The following PTPRD variants were observed in gnomAD, a reference collection of about 807,000 sequenced individuals.
PTPRD encodes receptor-type tyrosine-protein phosphatase delta.
Under a neutral mutation model 214.5 loss-of-function variants are expected in PTPRD, and 34 were observed. The observed-to-expected ratio is 0.16, with a 90% CI of 0.12 to 0.21. The LOEUF (loss-of-function observed/expected upper bound fraction) is 0.21. Ranked by LOEUF, PTPRD falls within the 10% of genes least tolerant of loss-of-function variation. PTPRD has a pLI of 1.00. For synonymous variants in PTPRD, 1,128 were observed against 845.7 expected, an observed-to-expected ratio of 1.33 and a Z score of -5.79; for missense variants, 2,545 against 2,398.7, an observed-to-expected ratio of 1.06 and a Z score of -1.27.
At chr9:9,646,981 A>T (rs2154370176) in intron 7 of PTPRD, among the ~76,000 whole-genome samples, 1 of 152,272 alleles carries the variant, frequency 6.6e-6, no homozygotes, top group African/African-American at 2.4e-5. Context: ...CATATAGAGT[A>T]TATACTGTTG....
At chr9:10,000,720 G>GT (rs1488304953) in intron 4 of PTPRD, among the ~76,000 whole-genome samples, 1 of 152,226 alleles carries the variant, frequency 6.6e-6, no homozygotes, top group Admixed American at 6.5e-5. Flanking sequence ...AGGCTGGCAA[G>GT]TATTAACATG....
intron 12 of PTPRD, among the ~76,000 whole-genome samples, chr9:8,680,043 C>G (rs898699692): frequency 6.6e-6 from 1 of 152,058 alleles, no homozygotes; most frequent in South Asian, 2.1e-4. Context: ...AATATTGAAA[C>G]ATTTCTTATA....
chr9:9,815,314 C>T (rs2048412947), intron 5 of PTPRD, among the ~76,000 whole-genome samples: 1 of 151,928 alleles, frequency 6.6e-6, no homozygotes, highest in African/African-American at 2.4e-5. Context: ...TGGATATTCA[C>T]AGACAAAGGA....
At chr9:9,999,597 A>G (rs988335837) in intron 4 of PTPRD, among the ~76,000 whole-genome samples, 1 of 152,170 alleles carries the variant, frequency 6.6e-6, no homozygotes, top group African/African-American at 2.4e-5. Context: ...CGTCACTCTC[A>G]TGGGAATTGT....
At chr9:10,204,417 G>C (rs974537090) in intron 3 of PTPRD, among the ~76,000 whole-genome samples, 1 of 152,010 alleles carries the variant, frequency 6.6e-6, no homozygotes, top group African/African-American at 2.4e-5. Context: ...TCCACACTAA[G>C]TTTTATCACT....
At chr9:9,951,873 A>G (rs1488137936) in intron 4 of PTPRD, among the ~76,000 whole-genome samples, 1 of 152,224 alleles carries the variant, frequency 6.6e-6, no homozygotes, top group African/African-American at 2.4e-5. Flanking sequence ...TGTAAAGACT[A>G]ATATGAAGAG....
rs889671953 is a variant in PTPRD at position 9,038,641 on chromosome 9, C to T, written c.-142-19906G>A. Among the ~76,000 whole-genome samples, 44 of 151,156 alleles carry T rather than the reference C, an allele frequency of 2.9e-4. 1 individual carries two copies. Among genetic ancestry groups the T allele is most frequent in the Admixed American group, 7.9e-4 (12 of 15,170 alleles). On this transcript the variant is annotated intron_variant, in intron 10 of 45. Coordinates refer to ENST00000381196, the MANE Select transcript of PTPRD (RefSeq NM_002839.4). ...TGTGATCTTGGCTCACTGAAACCTC[C>T]GCCTCTGGGTTCAAGTGCTTCTCCT... is the stretch of plus-strand genomic sequence containing the variant.
chr9:10,545,881 C>T (rs2060065876), intron 2 of PTPRD, among the ~76,000 whole-genome samples: 1 of 152,108 alleles, frequency 6.6e-6, no homozygotes, highest in Non-Finnish European at 1.5e-5. Context: ...ACACAAGGCA[C>T]AGCAGAAGCT....
chr9:10,145,060 T>G (rs542086863), intron 3 of PTPRD, among the ~76,000 whole-genome samples: 1 of 152,090 alleles, frequency 6.6e-6, no homozygotes, highest in African/African-American at 2.4e-5. Flanking sequence ...AATTAATTTT[T>G]ATATATATTC....
intron 9 of PTPRD, among the ~76,000 whole-genome samples, chr9:9,367,138 G>C (rs2058102575): frequency 6.6e-6 from 1 of 151,122 alleles, no homozygotes; most frequent in African/African-American, 2.4e-5. Context: ...TGTTACGTGG[G>C]GTTATTTATA....
intron 14 of PTPRD, among the ~76,000 whole-genome samples, chr9:8,546,831 T>C (rs2080307001): frequency 1.3e-5 from 2 of 152,186 alleles, no homozygotes; most frequent in Non-Finnish European, 2.9e-5. Context: ...AACTGATTTG[T>C]TATTTATGTT....
chr9:8,655,793 T>A (rs1314833223), intron 12 of PTPRD, among the ~76,000 whole-genome samples: 1 of 151,862 alleles, frequency 6.6e-6, no homozygotes, highest in African/African-American at 2.4e-5. Context: ...TTTATATTAC[T>A]GTATCTTTGG....
chr9:10,409,794 G>A (rs2098415520), intron 2 of PTPRD, among the ~76,000 whole-genome samples: 1 of 151,604 alleles, frequency 6.6e-6, no homozygotes, highest in African/African-American at 2.4e-5. Flanking sequence ...CTCAGAAGCG[G>A]CCCATAGAGA....
At chr9:8,320,446 A>G (rs1431894464) in intron 44 of PTPRD, among the ~76,000 whole-genome samples, 1 of 152,110 alleles carries the variant, frequency 6.6e-6, no homozygotes, top group East Asian at 1.9e-4. Flanking sequence ...ACCTAAATGT[A>G]TTTGCCTATA....
chr9:9,505,475 T>C (rs1404568705), intron 8 of PTPRD, among the ~76,000 whole-genome samples: 2 of 151,560 alleles, frequency 1.3e-5, no homozygotes, highest in Non-Finnish European at 3.0e-5. Context: ...TTCTGAACCC[T>C]GGAATAAATT....
chr9:9,841,790 C>A (rs1008849240), intron 5 of PTPRD, among the ~76,000 whole-genome samples: 1 of 152,072 alleles, frequency 6.6e-6, no homozygotes, highest in Non-Finnish European at 1.5e-5. Context: ...ATAACCCATA[C>A]ACACATGCCA....
chr9:10,118,662 G>A (rs1183069166), intron 3 of PTPRD, among the ~76,000 whole-genome samples: 1 of 151,392 alleles, frequency 6.6e-6, no homozygotes, highest in African/African-American at 2.4e-5. Context: ...AGATAAAAAT[G>A]TAATATAATA....
At chr9:9,169,036 G>A (rs949319573) in intron 10 of PTPRD, among the ~76,000 whole-genome samples, 12 of 151,732 alleles carry the variant, frequency 7.9e-5, no homozygotes, top group Non-Finnish European at 1.6e-4. Context: ...TAACCACTGG[G>A]TGCTACAAAA....
intron 10 of PTPRD, among the ~76,000 whole-genome samples, chr9:9,087,652 G>A (rs2099769120): frequency 6.6e-6 from 1 of 152,196 alleles, no homozygotes; most frequent in East Asian, 1.9e-4. Context: ...TAACCTTATG[G>A]AAAACATGGG....
Sources: gnomAD v4.1 joint callset for allele counts (sites outside exome capture counted in the v4.1 genomes callset) on GRCh38, gnomAD v4.1.1 for gene constraint, MANE v1.5 for transcripts, NCBI Gene and HGNC (gene_info 2026-07-23, HGNC 2026-07-21) for gene names.